Variants in SEMA6A observed in about 807,000 individuals in gnomAD.
SEMA6A encodes semaphorin 6A.
Under a neutral mutation model 96.8 loss-of-function variants are expected in SEMA6A, and 25 were observed. The ratio of observed to expected loss-of-function variants is 0.26; its 90% CI spans 0.19 to 0.36. The LOEUF is 0.36. Ranked by LOEUF, SEMA6A falls within the 10% of genes least tolerant of loss-of-function variation. The pLI, the probability that SEMA6A is intolerant of heterozygous loss-of-function variation, is 1.00. For missense variants in SEMA6A, 1,363 were observed against 1,323.1 expected, an observed-to-expected ratio of 1.03 and a Z score of -0.47; for synonymous variants, 612 against 518.0, an observed-to-expected ratio of 1.18 and a Z score of -2.46.
At chr5:116,487,087 A>G in intron 9 of SEMA6A, 121 bp from the exon 10 acceptor site, 1 of 652,188 alleles carries the variant, frequency 1.5e-6, no homozygotes, top group East Asian at 2.7e-5. Context: ...TGTTTCTAAA[A>G]TCAGTAACAA....
At chr5:116,500,825 G>A (rs1204481417) in intron 3 of SEMA6A, among the ~76,000 whole-genome samples, 1 of 152,148 alleles carries the variant, frequency 6.6e-6, no homozygotes, top group African/African-American at 2.4e-5. Flanking sequence ...GGCTAACATG[G>A]TGGAACCCCA....
At chr5:116,573,198 T>C (rs1561543943) in intron 1 of SEMA6A, among the ~76,000 whole-genome samples, 1 of 152,156 alleles carries the variant, frequency 6.6e-6, no homozygotes, top group Non-Finnish European at 1.5e-5. Context: ...AGCGCCCCAT[T>C]GCCCCCATGG....
At chr5:116,512,571 T>A (rs1270184746) in intron 1 of SEMA6A, among the ~76,000 whole-genome samples, 2 of 152,186 alleles carry the variant, frequency 1.3e-5, no homozygotes, top group Non-Finnish European at 2.9e-5. Flanking sequence ...CGTAAGTACT[T>A]CTAGAAAAAA....
At chr5:116,521,664 G>A (rs1161119374) in intron 1 of SEMA6A, among the ~76,000 whole-genome samples, 9 of 151,548 alleles carry the variant, frequency 5.9e-5, no homozygotes, top group Non-Finnish European at 1.0e-4. Flanking sequence ...CAATCCATCT[G>A]GGGAAGGTAT....
chr5:116,478,835 T>C (rs1256478347), intron 12 of SEMA6A, 117 bp from the exon 13 acceptor site: 5 of 951,208 alleles, frequency 5.3e-6, no homozygotes, highest in Non-Finnish European at 6.2e-6. Flanking sequence ...GAAAAATATA[T>C]GCATATAAAT....
At chr5:116,508,785 A>G (rs909202804) in intron 1 of SEMA6A, among the ~76,000 whole-genome samples, 1 of 152,160 alleles carries the variant, frequency 6.6e-6, no homozygotes, top group African/African-American at 2.4e-5. Context: ...TCCAGACGGA[A>G]ACATTCCCAC....
At chr5:116,555,349 G>T (rs959895206) in intron 1 of SEMA6A, among the ~76,000 whole-genome samples, 1 of 152,126 alleles carries the variant, frequency 6.6e-6, no homozygotes, top group South Asian at 2.1e-4. Context: ...GCTCAGAATA[G>T]GGGTTTACTT....
chr5:116,567,559 AAAACCAT>A lies in SEMA6A; in HGVS notation c.-39+6619_-39+6625del, dbSNP rs1184068063. On this transcript the variant is annotated intron_variant, in intron 1 of 18. Coordinates refer to ENST00000343348, the MANE Select transcript of SEMA6A (RefSeq NM_020796.5). The stretch of plus-strand genomic sequence containing the variant: ...AGATGTTAGCACATTTATTCTTCTC[AAAACCAT>A]AACATTATCATCATACTAGCACTTT... Among the ~76,000 whole-genome samples, 53 of 152,212 alleles carry A rather than the reference AAAACCAT, an allele frequency of 3.5e-4. 1 individual carries two copies. The highest frequency in any genetic ancestry group is 8.8e-5 in the Non-Finnish European group (6 of 68,040).
At chr5:116,493,958 C>T (rs1454394842) in intron 6 of SEMA6A, among the ~76,000 whole-genome samples, 1 of 152,110 alleles carries the variant, frequency 6.6e-6, no homozygotes, top group Non-Finnish European at 1.5e-5. Flanking sequence ...TCCCCCAACC[C>T]CCAACCCCAA....
Position 116,445,796 on chromosome 5 carries a change from C to G in SEMA6A, c.*817G>C, listed in dbSNP as rs994804720. On this transcript the variant is annotated 3_prime_UTR_variant, in exon 19 of 19. Transcript: ENST00000343348. ...TAAAAATAAAGAAACTCAATTATTCCAGTTAATGGATTTCACGTTAAATAG... is the reference window on the plus strand; with the variant it reads ...TAAAAATAAAGAAACTCAATTATTCGAGTTAATGGATTTCACGTTAAATAG... The G allele has an allele frequency of 1.3e-5, 2 of 152,544 alleles. No individual in the cohort carries two copies. Among genetic ancestry groups the G allele is most frequent in the Admixed American group, 6.5e-5 (1 of 15,280 alleles). 9.4% of individuals were successfully genotyped at this position (152,544 alleles called of 1,614,324 possible). A position where few individuals can be genotyped will look rare whatever the true frequency, so the allele number is the denominator to read the frequency against.
At chr5:116,572,825 A>C (rs1336036248) in intron 1 of SEMA6A, among the ~76,000 whole-genome samples, 1 of 152,162 alleles carries the variant, frequency 6.6e-6, no homozygotes. Context: ...CTCAGACTGC[A>C]CATGCTGAGC....
intron 18 of SEMA6A, among the ~76,000 whole-genome samples, chr5:116,457,723 G>GAA (rs1755104851): frequency 2.0e-5 from 3 of 152,038 alleles, no homozygotes; most frequent in Admixed American, 2.0e-4. Context: ...ACTACATTTC[G>GAA]GTAGTATACT....
At chr5:116,462,062 G>A (rs1055461056) in intron 18 of SEMA6A, among the ~76,000 whole-genome samples, 1 of 152,070 alleles carries the variant, frequency 6.6e-6, no homozygotes, top group Non-Finnish European at 1.5e-5. Flanking sequence ...AATTTTCTCT[G>A]TCCATAAAAT....
At chr5:116,499,199 C>T (rs1757755233) in intron 3 of SEMA6A, 2 of 152,204 alleles carry the variant, frequency 1.3e-5, no homozygotes, top group Admixed American at 1.3e-4. Flanking sequence ...CAAAAGCTCA[C>T]ATGGCCCTAG....
intron 1 of SEMA6A, among the ~76,000 whole-genome samples, chr5:116,538,708 TA>T (rs1479291896): frequency 1.3e-5 from 2 of 152,106 alleles, no homozygotes; most frequent in African/African-American, 4.8e-5. Context: ...AATATACAAA[TA>T]ATACATGGCA....
At chr5:116,532,023 C>T (rs532073522) in intron 1 of SEMA6A, among the ~76,000 whole-genome samples, 50 of 152,258 alleles carry the variant, frequency 3.3e-4, no homozygotes, top group African/African-American at 1.2e-3. Context: ...AATAAGAACC[C>T]CTTCCCCTCC....
intron 12 of SEMA6A, among the ~76,000 whole-genome samples, chr5:116,479,851 A>G (rs879539759): frequency 3.9e-5 from 6 of 152,156 alleles, no homozygotes; most frequent in Admixed American, 3.9e-4. Context: ...CACAGATTGG[A>G]TCAATGGGCT....
chr5:116,505,178 C>T (rs950424616), intron 1 of SEMA6A, among the ~76,000 whole-genome samples, 196 bp from the exon 2 acceptor site: 2 of 152,110 alleles, frequency 1.3e-5, no homozygotes, highest in African/African-American at 4.8e-5. Flanking sequence ...CATCTGAGCC[C>T]TTTTGCAAAG....
intron 18 of SEMA6A, among the ~76,000 whole-genome samples, chr5:116,457,199 AG>A (rs930766658): frequency 2.0e-5 from 3 of 152,190 alleles, no homozygotes; most frequent in African/African-American, 7.2e-5. Flanking sequence ...ATCAGCACTT[AG>A]GGTATATTTA....
Sources: allele counts gnomAD v4.1 joint callset (sites outside exome capture counted in the v4.1 genomes callset), GRCh38; gene constraint gnomAD v4.1.1; transcripts MANE v1.5; gene names NCBI Gene and HGNC (gene_info 2026-07-23, HGNC 2026-07-21).